Variants in CDH13 observed in about 807,000 individuals in gnomAD.
CDH13 encodes the protein cadherin-13.
Under a neutral mutation model 63.8 loss-of-function variants are expected in CDH13, and 24 were observed. The ratio of observed to expected loss-of-function variants is 0.38; its 90% CI spans 0.27 to 0.53. The LOEUF (loss-of-function observed/expected upper bound fraction) is 0.53. Among genes scored for constraint, CDH13 ranks in the 20% least tolerant of loss-of-function variants. CDH13 has a pLI of 0.85. For missense variants in CDH13, 1,049 were observed against 903.1 expected, an observed-to-expected ratio of 1.16 and a Z score of -2.07; for synonymous variants, 503 against 355.3, an observed-to-expected ratio of 1.42 and a Z score of -4.67.
intron 5 of CDH13, among the ~76,000 whole-genome samples, chr16:83,323,076 G>T (rs2090266041): frequency 6.6e-6 from 1 of 151,972 alleles, no homozygotes; most frequent in African/African-American, 2.4e-5. Context: ...AATGGAGGTG[G>T]TGGTTAGCCC....
chr16:83,172,569 A>T (rs7194032), intron 4 of CDH13, among the ~76,000 whole-genome samples: 12,489 of 151,872 alleles, frequency 0.082, 627 homozygotes, highest in Middle Eastern at 0.15. Context: ...AATGCCAAAA[A>T]ATGCAAAACA....
At chr16:82,840,194 T>G (rs1399954040) in intron 1 of CDH13, among the ~76,000 whole-genome samples, 1 of 152,096 alleles carries the variant, frequency 6.6e-6, no homozygotes, top group Non-Finnish European at 1.5e-5. Context: ...ACACCGATTT[T>G]GTTTGCTTTT....
chr16:83,585,234 C>A (rs961357444), intron 7 of CDH13, among the ~76,000 whole-genome samples: 2 of 152,188 alleles, frequency 1.3e-5, no homozygotes, highest in African/African-American at 2.4e-5. Context: ...CACCTTCCTG[C>A]ACTCTATAAC....
At chr16:83,264,809 C>G (rs1273474542) in intron 5 of CDH13, among the ~76,000 whole-genome samples, 2 of 151,708 alleles carry the variant, frequency 1.3e-5, no homozygotes, top group Admixed American at 6.6e-5. Context: ...TATCATCATA[C>G]TATTATAATT....
chr16:83,285,566 T>C (rs184685648), intron 5 of CDH13, among the ~76,000 whole-genome samples: 185 of 152,246 alleles, frequency 1.2e-3, no homozygotes, highest in African/African-American at 4.3e-3. Context: ...GTAATAACTA[T>C]TTACATAGCA....
chr16:83,046,714 A>C (rs532983902), intron 3 of CDH13, among the ~76,000 whole-genome samples: 125 of 152,270 alleles, frequency 8.2e-4, no homozygotes, highest in African/African-American at 2.9e-3. Context: ...AAAACTTCAG[A>C]CTGTCTTCCA....
chr16:82,763,284 A>T (rs2034924026), intron 1 of CDH13, among the ~76,000 whole-genome samples: 1 of 152,094 alleles, frequency 6.6e-6, no homozygotes, highest in African/African-American at 2.4e-5. Flanking sequence ...CTGTCCCTTT[A>T]TCCTGCTTTG....
At chr16:83,626,375 T>A (rs1910305634) in intron 8 of CDH13, among the ~76,000 whole-genome samples, 1 of 152,162 alleles carries the variant, frequency 6.6e-6, no homozygotes, top group Non-Finnish European at 1.5e-5. Flanking sequence ...GTCACCGGGA[T>A]AACTGCAGGA....
intron 5 of CDH13, among the ~76,000 whole-genome samples, chr16:83,263,045 G>A (rs562484488): frequency 1.3e-5 from 2 of 152,184 alleles, no homozygotes; most frequent in Non-Finnish European, 2.9e-5. Flanking sequence ...ACCGTCTGGT[G>A]TTCAAATACA....
chr16:82,704,211 A>G (rs2031290950), intron 1 of CDH13, among the ~76,000 whole-genome samples: 1 of 152,164 alleles, frequency 6.6e-6, no homozygotes. Context: ...AGCCTTCAGC[A>G]GGCTCTAGGG....
Position 82,840,316 on chromosome 16 carries a change from T to C in CDH13, c.46-18046T>C, listed in dbSNP as rs2038951649. Among the ~76,000 whole-genome samples the C allele has an allele frequency of 2.6e-5, 4 of 151,868 alleles. 1 individual carries two copies. The South Asian group carries it at 8.4e-4, about 32-fold the overall frequency. On this transcript the variant is annotated intron_variant, in intron 1 of 13. Transcript: ENST00000567109. ...GGAGACCAGCATGAAGCCACCTTTA[T>C]TGCCCTAAAATGTCTCTGCCTTCAA...
chr16:83,611,844 A>C (rs1908888826), intron 8 of CDH13, among the ~76,000 whole-genome samples: 1 of 151,946 alleles, frequency 6.6e-6, no homozygotes. Flanking sequence ...CTTTTCCATT[A>C]ATTTCTATCT....
At chr16:83,270,298 G>A (rs541893214) in intron 5 of CDH13, among the ~76,000 whole-genome samples, 10 of 152,216 alleles carry the variant, frequency 6.6e-5, no homozygotes, top group African/African-American at 1.9e-4. Flanking sequence ...TGTATATTTA[G>A]GAAACAGCTC....
At chr16:83,584,155 C>T (rs561360811) in intron 7 of CDH13, among the ~76,000 whole-genome samples, 2 of 152,004 alleles carry the variant, frequency 1.3e-5, no homozygotes, top group Admixed American at 6.6e-5. Flanking sequence ...TGGTGAAACC[C>T]CATCTCTACT....
chr16:83,483,417 C>A (rs557235390), intron 6 of CDH13, among the ~76,000 whole-genome samples: 1 of 151,828 alleles, frequency 6.6e-6, no homozygotes, highest in Admixed American at 6.6e-5. Flanking sequence ...AAAAAGATAT[C>A]CTCAGTGAAT....
chr16:82,671,445 T>A (rs1913230193), intron 1 of CDH13, among the ~76,000 whole-genome samples: 2 of 152,230 alleles, frequency 1.3e-5, no homozygotes, highest in African/African-American at 4.8e-5. Flanking sequence ...AAAATCACAT[T>A]TATACACATG....
chr16:83,398,633 C>G lies in CDH13; in HGVS notation c.781+53627C>G, dbSNP rs986318312. ...CACCATTCAATTCATGGCAGTAGAC[C>G]TGGAATATGGGGCCTGAGATTATGC... On this transcript the variant is annotated intron_variant, in intron 6 of 13. Transcript: ENST00000567109. 2.1e-3 allele frequency among the ~76,000 whole-genome samples: 3 copies of G among 1,402 alleles called. No homozygotes were observed. In the Admixed American group the frequency reaches 0.058, roughly 27 times the overall value. The allele number at this position is 1,402 out of a possible 152,430, so 0.9% of individuals were successfully genotyped here.
chr16:83,074,879 A>G (rs2032709722), intron 3 of CDH13, among the ~76,000 whole-genome samples: 1 of 152,216 alleles, frequency 6.6e-6, no homozygotes, highest in South Asian at 2.1e-4. Flanking sequence ...ACGCAAAATT[A>G]GACAAACAGC....
At chr16:83,518,062 G>A (rs1278442719) in intron 7 of CDH13, among the ~76,000 whole-genome samples, 1 of 152,168 alleles carries the variant, frequency 6.6e-6, no homozygotes, top group African/African-American at 2.4e-5. Context: ...GGAGGGACCT[G>A]GTGGGAGGTA....
Sources: gnomAD v4.1 joint callset for allele counts (sites outside exome capture counted in the v4.1 genomes callset) on GRCh38, gnomAD v4.1.1 for gene constraint, MANE v1.5 for transcripts, NCBI Gene and HGNC (gene_info 2026-07-23, HGNC 2026-07-21) for gene names.